PAK5: variants seen among roughly 807,000 people sequenced by gnomAD.
The protein encoded by PAK5 is serine/threonine-protein kinase PAK 5.
Under a neutral mutation model 65.9 loss-of-function variants are expected in PAK5, and 16 were observed. The ratio of observed to expected loss-of-function variants is 0.24; its 90% CI spans 0.16 to 0.37. The LOEUF (loss-of-function observed/expected upper bound fraction) is 0.37. Among genes scored for constraint, PAK5 ranks in the 10% least tolerant of loss-of-function variants. PAK5 has a pLI of 1.00. For missense variants in PAK5, 785 were observed against 903.9 expected (o/e 0.87, Z 1.69); for synonymous variants, 371 against 354.9 (o/e 1.05, Z -0.51).
chr20:9,546,058 G>C (rs1213595673), intron 7 of PAK5, among the ~76,000 whole-genome samples: 2 of 152,114 alleles, frequency 1.3e-5, no homozygotes, highest in Non-Finnish European at 2.9e-5. Flanking sequence ...GGAGAATGAA[G>C]AACAAGTGCA....
intron 3 of PAK5, among the ~76,000 whole-genome samples, chr20:9,640,273 T>A (rs530144578): frequency 1.7e-4 from 24 of 145,136 alleles, no homozygotes; most frequent in African/African-American, 4.6e-4. Context: ...CATGTGTTCT[T>A]ATTGTTCACT....
chr20:9,795,964 C>A (rs1366433429), intron 1 of PAK5, among the ~76,000 whole-genome samples: 1 of 151,968 alleles, frequency 6.6e-6, no homozygotes, highest in Non-Finnish European at 1.5e-5. Context: ...TATAAATTTA[C>A]TTTTTTCTTT....
In PAK5 at chr20:9,722,370, G is replaced by A. The variant is rs571517562; in HGVS notation, c.-161-10935C>T. Among the ~76,000 whole-genome samples, 5 of 152,106 alleles carry A rather than the reference G, an allele frequency of 3.3e-5. 1 individual carries two copies. The South Asian group carries it at 1.0e-3, about 32-fold the overall frequency. ...CGTCGTGGCTGACGCCTGTAATCAC[G>A]TGTGATTACACCTCGTGTAATCACG... On this transcript the variant is annotated intron_variant, in intron 1 of 9. Transcript: ENST00000353224.
Position 9,767,749 on chromosome 20 carries a change from T to C in PAK5, c.-161-56314A>G, listed in dbSNP as rs4522679. Among the ~76,000 whole-genome samples the C allele has an allele frequency of 1.5e-4, 23 of 152,302 alleles. No homozygotes were observed. The East Asian group carries it at 4.4e-3, about 29-fold the overall frequency. Reference sequence around the variant, plus strand: ...ATTCAGCCCATGCAGGTCAGTGGTATTGGGGGTTTGTCCCCTTCTCCTTGT... The same window carrying C: ...ATTCAGCCCATGCAGGTCAGTGGTACTGGGGGTTTGTCCCCTTCTCCTTGT... On this transcript the variant is annotated intron_variant, in intron 1 of 9. Transcript: ENST00000353224.
At chr20:9,637,445 A>G (rs948791624) in intron 3 of PAK5, among the ~76,000 whole-genome samples, 2 of 152,186 alleles carry the variant, frequency 1.3e-5, no homozygotes, top group African/African-American at 2.4e-5. Context: ...TAGACTCCCT[A>G]AAAGAGTCTG....
chr20:9,557,390 G>A (rs896009943), intron 7 of PAK5, among the ~76,000 whole-genome samples: 2 of 152,190 alleles, frequency 1.3e-5, no homozygotes, highest in South Asian at 2.1e-4. Flanking sequence ...TCATTGTTAA[G>A]GAGGCAAATT....
rs1258371916 is a variant in PAK5 at position 9,820,117 on chromosome 20, T to C, written c.-162+18645A>G. 2.6e-5 allele frequency among the ~76,000 whole-genome samples: 4 copies of C among 152,218 alleles called. No individual in the cohort carries two copies. In the East Asian group the frequency reaches 7.7e-4, roughly 29 times the overall value. On this transcript the variant is annotated intron_variant, in intron 1 of 9. Transcript: ENST00000353224. The stretch of plus-strand genomic sequence containing the variant: ...CTTGATCCACTTTGAGTTGGGTTTC[T>C]GCCCCTTTCAAACAAAAGAATCCTG...
chr20:9,584,986 AG>A (rs1255901911), intron 3 of PAK5, among the ~76,000 whole-genome samples: 1 of 141,150 alleles, frequency 7.1e-6, no homozygotes, highest in African/African-American at 2.8e-5. Flanking sequence ...AAGGTCTTAA[AG>A]GGCCCTTCTG....
intron 1 of PAK5, among the ~76,000 whole-genome samples, chr20:9,809,811 A>G (rs1043300280): frequency 2.2e-4 from 34 of 152,214 alleles, no homozygotes; most frequent in Non-Finnish European, 2.9e-4. Flanking sequence ...CAGGTTTACC[A>G]GAACCACTCT....
chr20:9,669,853 T>C (rs896206993), intron 2 of PAK5, among the ~76,000 whole-genome samples: 22 of 152,290 alleles, frequency 1.4e-4, no homozygotes, highest in African/African-American at 5.3e-4. Context: ...ACATGTGCCA[T>C]GTTGGTGTGC....
chr20:9,694,189 T>C (rs925476234), intron 2 of PAK5, among the ~76,000 whole-genome samples: 6 of 152,122 alleles, frequency 3.9e-5, no homozygotes, highest in Non-Finnish European at 8.8e-5. Context: ...AAAATCTTAT[T>C]ATATTAAAAC....
intron 1 of PAK5, among the ~76,000 whole-genome samples, chr20:9,763,538 C>CA (rs202189046): frequency 8.9e-4 from 134 of 149,722 alleles, no homozygotes; most frequent in African/African-American, 2.4e-3. Context: ...AAAAACAAAA[C>CA]AAAAAAAAAC....
intron 1 of PAK5, among the ~76,000 whole-genome samples, chr20:9,828,208 AG>A (rs1464969298): frequency 2.0e-5 from 3 of 152,378 alleles, no homozygotes; most frequent in Middle Eastern, 6.8e-3. Flanking sequence ...TGAAAGAGAT[AG>A]CACACAACCT....
At chr20:9,634,303 G>A (rs1435994697) in intron 3 of PAK5, among the ~76,000 whole-genome samples, 1 of 152,164 alleles carries the variant, frequency 6.6e-6, no homozygotes, top group East Asian at 1.9e-4. Flanking sequence ...GAGGTGTGTG[G>A]TTAACATTGG....
chr20:9,704,191 A>G (rs928624506), intron 2 of PAK5, among the ~76,000 whole-genome samples: 2 of 152,276 alleles, frequency 1.3e-5, no homozygotes, highest in African/African-American at 4.8e-5. Flanking sequence ...CCTTATAGTC[A>G]GATCCTGGGC....
chr20:9,643,014 T>C (rs987220711), intron 3 of PAK5, among the ~76,000 whole-genome samples: 3 of 152,240 alleles, frequency 2.0e-5, no homozygotes, highest in Non-Finnish European at 4.4e-5. Context: ...GGTCAGGTGA[T>C]ATTTCATAAG....
intron 3 of PAK5, among the ~76,000 whole-genome samples, chr20:9,609,315 C>G (rs144734391): frequency 1.1e-4 from 16 of 152,198 alleles, no homozygotes; most frequent in Non-Finnish European, 2.4e-4. Flanking sequence ...AGTTGCAACC[C>G]CGTTTGTCCT....
intron 9 of PAK5, among the ~76,000 whole-genome samples, chr20:9,540,936 C>T (rs1246746577): frequency 1.3e-5 from 2 of 152,126 alleles, no homozygotes; most frequent in African/African-American, 4.8e-5. Context: ...TGGGGTTTCA[C>T]CGTGTTAGCC....
intron 4 of PAK5, among the ~76,000 whole-genome samples, chr20:9,571,954 T>G (rs1362648252): frequency 3.4e-5 from 5 of 146,280 alleles, no homozygotes; most frequent in Admixed American, 6.8e-5. Flanking sequence ...CTGGTCAGGG[T>G]GTTTCACTGG....
Sources: gnomAD v4.1 joint callset for allele counts (sites outside exome capture counted in the v4.1 genomes callset) on GRCh38, gnomAD v4.1.1 for gene constraint, MANE v1.5 for transcripts, NCBI Gene and HGNC (gene_info 2026-07-23, HGNC 2026-07-21) for gene names.